UGT1A7: variants seen among roughly 807,000 people sequenced by gnomAD.
UGT1A7 encodes UDP-glucuronosyltransferase 1A7.
In UGT1A7, 33 loss-of-function variants were observed where a neutral mutation model predicts 45.6. The ratio of observed to expected loss-of-function variants is 0.72; its 90% confidence interval spans 0.55 to 0.97. UGT1A7 has a LOEUF of 0.97. Ranked by LOEUF, UGT1A7 falls within the 50% of genes least tolerant of loss-of-function variation. UGT1A7 has a pLI of 0.00. For synonymous variants in UGT1A7, 274 were observed against 250.6 expected (o/e 1.09, Z -0.88); for missense variants, 684 against 666.2 (o/e 1.03, Z -0.29).
intron 1 of UGT1A7, chr2:233,713,109 C>G: frequency 2.5e-6 from 4 of 1,614,208 alleles, no homozygotes; most frequent in Non-Finnish European, 3.4e-6. Flanking sequence ...TGATGGCAGC[C>G]ACTGGCTCAG....
At chr2:233,749,106 G>A (rs2125896769) in intron 1 of UGT1A7, among the ~76,000 whole-genome samples, 1 of 151,816 alleles carries the variant, frequency 6.6e-6, no homozygotes, top group Admixed American at 6.5e-5. Context: ...AGAGAATTCA[G>A]CCTTTTTATG....
intron 1 of UGT1A7, among the ~76,000 whole-genome samples, chr2:233,765,604 G>C (rs986298003): frequency 6.6e-5 from 10 of 151,976 alleles, no homozygotes; most frequent in African/African-American, 2.2e-4. Context: ...CAGGGCTTGT[G>C]GCGGGGTGAG....
intron 1 of UGT1A7, among the ~76,000 whole-genome samples, chr2:233,764,942 G>A (rs12479045): frequency 6.6e-5 from 10 of 152,198 alleles, no homozygotes; most frequent in African/African-American, 1.9e-4. Flanking sequence ...TGAGAGTGGC[G>A]GGGAGAGAGG....
At chr2:233,713,439 C>T (rs28946886) in intron 1 of UGT1A7, 1 of 1,614,136 alleles carries the variant, frequency 6.2e-7, no homozygotes, top group Non-Finnish European at 8.5e-7. Context: ...TGATGTGGTT[C>T]TAACAGACCC....
At chr2:233,723,300 C>G (rs2077076246) in intron 1 of UGT1A7, among the ~76,000 whole-genome samples, 1 of 117,154 alleles carries the variant, frequency 8.5e-6, no homozygotes, top group South Asian at 3.3e-4. Flanking sequence ...ACCTCTGCCT[C>G]CCAGGTTCAA....
At chr2:233,724,484 G>T (rs1426827388) in intron 1 of UGT1A7, among the ~76,000 whole-genome samples, 3 of 77,008 alleles carry the variant, frequency 3.9e-5, no homozygotes, top group Admixed American at 1.3e-4. Flanking sequence ...CTTCTCAGAC[G>T]GGGCGGCCGG....
chr2:233,729,207 G>A (rs6706232), intron 1 of UGT1A7: 749,602 of 1,613,822 alleles, frequency 0.46, 180,459 homozygotes, highest in African/African-American at 0.76. Flanking sequence ...CCTGGGCTGA[G>A]AGTGGAAAGG....
chr2:233,699,516 T>G (rs368218904), intron 1 of UGT1A7, among the ~76,000 whole-genome samples: 7 of 152,210 alleles, frequency 4.6e-5, no homozygotes, highest in African/African-American at 1.7e-4. Flanking sequence ...TGTTCAAGCC[T>G]TCCGAAGGAC....
chr2:233,736,362 A>C (rs1213397450), intron 1 of UGT1A7, among the ~76,000 whole-genome samples: 1 of 152,180 alleles, frequency 6.6e-6, no homozygotes, highest in East Asian at 1.9e-4. Context: ...CAGCTCCATC[A>C]GGTCATTTAA....
At chr2:233,719,330 GT>G (rs780658532) in intron 1 of UGT1A7, 4 of 1,613,748 alleles carry the variant, frequency 2.5e-6, no homozygotes, top group Non-Finnish European at 3.4e-6. Flanking sequence ...TTCCTGCTGT[GT>G]TTTTTTGGAG....
chr2:233,756,397 G>A (rs553407927), intron 1 of UGT1A7: 1 of 151,974 alleles, frequency 6.6e-6, no homozygotes, highest in South Asian at 2.1e-4. Flanking sequence ...TACAGTATTG[G>A]TTTTTTATTT....
intron 1 of UGT1A7, among the ~76,000 whole-genome samples, chr2:233,686,386 C>T (rs976765081): frequency 6.6e-6 from 1 of 152,054 alleles, no homozygotes; most frequent in Non-Finnish European, 1.5e-5. Flanking sequence ...AAAGACAACT[C>T]GTGTGGGCGC....
Position 233,682,665 on chromosome 2 carries a change from A to T in UGT1A7, c.728A>T (p.Asp243Val). 3 of 1,613,852 alleles carry T rather than the reference A, an allele frequency of 1.9e-6. No individual in the cohort carries two copies. The highest frequency in any genetic ancestry group is 2.5e-6 in the Non-Finnish European group (3 of 1,179,812). ...EILQTPVTAYDLYSHTSIWLL... is the reference protein window; with the variant it reads ...EILQTPVTAYVLYSHTSIWLL... ...CTCCAAACCCCTGTCACGGCATATGATCTCTACAGCCACACATCAATTTGG... is the reference window on the plus strand; with the variant it reads ...CTCCAAACCCCTGTCACGGCATATGTTCTCTACAGCCACACATCAATTTGG... The change falls in exon 1 of 5, where the codon GAT becomes GTT. Residue 243 changes from aspartate (D) to valine (V), a missense_variant. Asp to Val is a radical substitution (Grantham distance 152). Transcript: ENST00000373426.
At chr2:233,718,468 A>G (rs934108857) in intron 1 of UGT1A7, among the ~76,000 whole-genome samples, 5 of 152,236 alleles carry the variant, frequency 3.3e-5, no homozygotes, top group African/African-American at 1.2e-4. Flanking sequence ...CCTCAGCTGC[A>G]GCCTGATAAA....
At position 233,749,692 on chromosome 2, in the gene UGT1A7, G is replaced by A. The variant is rs182705299; in HGVS notation, c.856-17342G>A. The stretch of plus-strand genomic sequence containing the variant: ...CCCCACGTGTCAAGGACAGGATCTG[G>A]TGGGAGGTGATTGGATCATGGGGGC... On this transcript the variant is annotated intron_variant, in intron 1 of 4. Transcript: ENST00000373426. Among the ~76,000 whole-genome samples the A allele has an allele frequency of 1.6e-4, 24 of 151,978 alleles. No homozygotes were observed. In the East Asian group the frequency reaches 4.2e-3, roughly 27 times the overall value.
At chr2:233,747,112 G>A (rs896483290) in intron 1 of UGT1A7, 4 of 1,422,320 alleles carry the variant, frequency 2.8e-6, no homozygotes, top group African/African-American at 2.9e-5. Flanking sequence ...ATTACATGAT[G>A]ATTTGCTAAG....
chr2:233,690,446 T>G, intron 1 of UGT1A7: 3 of 1,286,108 alleles, frequency 2.3e-6, no homozygotes, highest in Non-Finnish European at 3.0e-6. Flanking sequence ...CTCTCCTCTA[T>G]TCAAAATGCC....
intron 1 of UGT1A7, among the ~76,000 whole-genome samples, chr2:233,699,129 CAG>C (rs1340305357): frequency 6.6e-6 from 1 of 152,214 alleles, no homozygotes; most frequent in Non-Finnish European, 1.5e-5. Context: ...CTACTTATGT[CAG>C]ATTCTCATGG....
At chr2:233,689,119 C>G (rs1178609064) in intron 1 of UGT1A7, among the ~76,000 whole-genome samples, 1 of 152,204 alleles carries the variant, frequency 6.6e-6, no homozygotes, top group Admixed American at 6.5e-5. Flanking sequence ...GGAACCACAA[C>G]CCACATTGTT....
Sources: gnomAD v4.1 joint callset for allele counts (sites outside exome capture counted in the v4.1 genomes callset) on GRCh38, gnomAD v4.1.1 for gene constraint, MANE v1.5 for transcripts, NCBI Gene and HGNC (gene_info 2026-07-23, HGNC 2026-07-21) for gene names.